Variants in CACUL1 observed in about 807,000 individuals in gnomAD.
CACUL1 encodes CDK2 associated cullin domain 1.
A neutral mutation model predicts 45.2 loss-of-function variants in CACUL1; 13 were observed. That is an observed-to-expected ratio of 0.29 (90% CI 0.19 to 0.46). The LOEUF is 0.46. Ranked by LOEUF, CACUL1 falls within the 20% of genes least tolerant of loss-of-function variation. The probability of loss-of-function intolerance (pLI) is 1.00; values close to 1 mark genes in which losing one functional copy is unlikely to be tolerated. For missense variants in CACUL1, 421 were observed against 471.4 expected, an observed-to-expected ratio of 0.89 and a Z score of 0.99; for synonymous variants, 197 against 174.2, an observed-to-expected ratio of 1.13 and a Z score of -1.03.
At chr10:118,712,226 C>T (rs1051454587) in intron 3 of CACUL1, among the ~76,000 whole-genome samples, 6 of 152,212 alleles carry the variant, frequency 3.9e-5, no homozygotes, top group Non-Finnish European at 5.9e-5. Context: ...TTTGCCCACT[C>T]GACCTGGCAG....
chr10:118,703,573 TAATA>T (rs1845405415), intron 4 of CACUL1, among the ~76,000 whole-genome samples: 1 of 152,340 alleles, frequency 6.6e-6, no homozygotes, highest in East Asian at 1.9e-4. Flanking sequence ...TTTATTTGTA[TAATA>T]AATTCCTAGA....
intron 3 of CACUL1, among the ~76,000 whole-genome samples, chr10:118,726,674 G>GA (rs1284587426): frequency 1.3e-5 from 2 of 152,032 alleles, no homozygotes; most frequent in African/African-American, 4.8e-5. Context: ...GCAGGAAGCA[G>GA]AAGAAAAAAT....
At chr10:118,739,194 CAAA>C (rs79882764) in intron 1 of CACUL1, among the ~76,000 whole-genome samples, 1 of 125,492 alleles carries the variant, frequency 8.0e-6, no homozygotes, top group Non-Finnish European at 1.7e-5. Context: ...TCCTCCGTCT[CAAA>C]AAAAAAAAAA....
intron 5 of CACUL1, among the ~76,000 whole-genome samples, chr10:118,697,374 C>T (rs374976139): frequency 1.1e-4 from 16 of 152,356 alleles, no homozygotes; most frequent in East Asian, 5.8e-4. Flanking sequence ...TACTCTACTT[C>T]ACCATACCAA....
At chr10:118,728,090 ACAG>A (rs78547183) in intron 3 of CACUL1, among the ~76,000 whole-genome samples, 14,921 of 152,290 alleles carry the variant, frequency 0.098, 768 homozygotes, top group Admixed American at 0.16. Flanking sequence ...ATGACAAAAC[ACAG>A]CTCTATCATT....
chr10:118,694,855 T>C, intron 6 of CACUL1: 1 of 273,670 alleles, frequency 3.7e-6, no homozygotes, highest in Non-Finnish European at 7.3e-6. Context: ...AAGAAGAAAC[T>C]AAGACCAAAC....
chr10:118,710,659 CACTGGG>C (rs1845475862), intron 3 of CACUL1, among the ~76,000 whole-genome samples: 1 of 152,186 alleles, frequency 6.6e-6, no homozygotes, highest in African/African-American at 2.4e-5. Flanking sequence ...TCACTTCCCT[CACTGGG>C]TAGTCTGCCA....
chr10:118,719,983 C>T (rs984718227), intron 3 of CACUL1, among the ~76,000 whole-genome samples: 6 of 152,144 alleles, frequency 3.9e-5, no homozygotes, highest in Non-Finnish European at 8.8e-5. Flanking sequence ...ATATTAGACA[C>T]TTCTCATATA....
At chr10:118,710,014 A>G (rs554097382) in intron 3 of CACUL1, among the ~76,000 whole-genome samples, 3 of 151,676 alleles carry the variant, frequency 2.0e-5, no homozygotes, top group Non-Finnish European at 2.9e-5. Context: ...CAATTGATCA[A>G]TTCTCCCAAC....
At chr10:118,715,735 C>T (rs1010699554) in intron 3 of CACUL1, among the ~76,000 whole-genome samples, 3 of 152,024 alleles carry the variant, frequency 2.0e-5, no homozygotes, top group African/African-American at 7.2e-5. Flanking sequence ...CGAAATGAAA[C>T]ATGAAAAAAA....
At chr10:118,706,008 A>G (rs1029776267) in intron 4 of CACUL1, among the ~76,000 whole-genome samples, 12 of 152,252 alleles carry the variant, frequency 7.9e-5, no homozygotes, top group African/African-American at 2.9e-4. Flanking sequence ...CTGAAAGAGT[A>G]AGTTTGAAGT....
chr10:118,698,998 A>C (rs1461420975), intron 5 of CACUL1, among the ~76,000 whole-genome samples: 1 of 152,218 alleles, frequency 6.6e-6, no homozygotes, highest in Non-Finnish European at 1.5e-5. Context: ...TTCTGGTTTA[A>C]ACTTTAACCT....
chr10:118,709,162 T>A (rs143235999), intron 3 of CACUL1, among the ~76,000 whole-genome samples: 1 of 152,312 alleles, frequency 6.6e-6, no homozygotes, highest in African/African-American at 2.4e-5. Context: ...AATATATCTA[T>A]TCATTAAGTG....
intron 1 of CACUL1, among the ~76,000 whole-genome samples, chr10:118,753,149 G>A (rs990289263): frequency 8.5e-5 from 13 of 152,154 alleles, no homozygotes; most frequent in African/African-American, 2.9e-4. Flanking sequence ...TCTACAGGAG[G>A]TCTGGTTCCA....
intron 5 of CACUL1, among the ~76,000 whole-genome samples, chr10:118,700,821 AG>A (rs532365065): frequency 4.4e-4 from 67 of 152,324 alleles, no homozygotes; most frequent in African/African-American, 1.6e-3. Context: ...CCTAATTCAC[AG>A]GAGAGAAAAC....
chr10:118,724,603 G>A (rs1373931112), intron 3 of CACUL1, among the ~76,000 whole-genome samples: 2 of 152,142 alleles, frequency 1.3e-5, no homozygotes, highest in Non-Finnish European at 2.9e-5. Context: ...TTTTGAACAA[G>A]AAAGTATGTC....
intron 5 of CACUL1, among the ~76,000 whole-genome samples, chr10:118,696,111 A>G (rs1845319346): frequency 1.3e-5 from 2 of 152,204 alleles, no homozygotes; most frequent in Non-Finnish European, 2.9e-5. Context: ...CAAACGTACA[A>G]TTTGAGTTAT....
intron 4 of CACUL1, among the ~76,000 whole-genome samples, chr10:118,706,446 T>C (rs1292358592): frequency 6.6e-6 from 1 of 152,194 alleles, no homozygotes; most frequent in South Asian, 2.1e-4. Flanking sequence ...TCCTGATCAA[T>C]AGCCCATGAT....
intron 1 of CACUL1, among the ~76,000 whole-genome samples, chr10:118,732,388 C>G (rs562742855): frequency 6.6e-6 from 1 of 152,128 alleles, no homozygotes; most frequent in Non-Finnish European, 1.5e-5. Flanking sequence ...GAAGACTGCA[C>G]GAAAAGCTTA....
Sources: allele counts gnomAD v4.1 joint callset (sites outside exome capture counted in the v4.1 genomes callset), GRCh38; gene constraint gnomAD v4.1.1; transcripts MANE v1.5; gene names NCBI Gene and HGNC (gene_info 2026-07-23, HGNC 2026-07-21).